Variants in ASIC2 observed in about 807,000 individuals in gnomAD.
ASIC2 encodes the protein acid sensing ion channel subunit 2, also known as acid-sensing ion channel 2.
Under a neutral mutation model 57.3 loss-of-function variants are expected in ASIC2, and 25 were observed. The ratio of observed to expected loss-of-function variants is 0.44; its 90% confidence interval spans 0.32 to 0.61. The LOEUF (loss-of-function observed/expected upper bound fraction) is 0.61. Among genes scored for constraint, ASIC2 ranks in the 20% least tolerant of loss-of-function variants. The pLI, the probability that ASIC2 is intolerant of heterozygous loss-of-function variation, is 0.06. For synonymous variants in ASIC2, 319 were observed against 307.5 expected (o/e 1.04, Z -0.39); for missense variants, 641 against 738.1 (o/e 0.87, Z 1.52).
chr17:33,844,174 G>C (rs938121176), intron 1 of ASIC2, among the ~76,000 whole-genome samples: 2 of 152,082 alleles, frequency 1.3e-5, no homozygotes, highest in African/African-American at 4.8e-5. Context: ...TTAATGTATT[G>C]GTGCTAAAAT....
chr17:33,270,576 A>T (rs1904444739), intron 1 of ASIC2, among the ~76,000 whole-genome samples: 1 of 152,202 alleles, frequency 6.6e-6, no homozygotes, highest in African/African-American at 2.4e-5. Context: ...ATGGAGCTTT[A>T]AACATTTTAA....
chr17:33,503,056 A>C (rs1230665256), intron 1 of ASIC2, among the ~76,000 whole-genome samples: 4 of 152,200 alleles, frequency 2.6e-5, no homozygotes, highest in African/African-American at 4.8e-5. Flanking sequence ...GCAAGTCCTG[A>C]TGCCTCCCTG....
At chr17:33,138,527 C>T (rs2092374689) in intron 1 of ASIC2, among the ~76,000 whole-genome samples, 1 of 152,220 alleles carries the variant, frequency 6.6e-6, no homozygotes. Context: ...TAGTACACTT[C>T]TTCCTGCCAA....
intron 1 of ASIC2, among the ~76,000 whole-genome samples, chr17:34,059,665 A>T (rs1334455277): frequency 6.6e-6 from 1 of 152,122 alleles, no homozygotes; most frequent in African/African-American, 2.4e-5. Flanking sequence ...GCACGGTGAG[A>T]ATGCGACCAG....
intron 1 of ASIC2, among the ~76,000 whole-genome samples, chr17:33,579,704 C>T (rs1239671124): frequency 6.6e-6 from 1 of 152,138 alleles, no homozygotes; most frequent in East Asian, 1.9e-4. Flanking sequence ...ACCTTCGCAG[C>T]CAGCGTTACA....
At chr17:33,150,408 C>A (rs1415023466) in intron 1 of ASIC2, among the ~76,000 whole-genome samples, 1 of 152,122 alleles carries the variant, frequency 6.6e-6, no homozygotes, top group Admixed American at 6.5e-5. Context: ...TGATTTTTTG[C>A]CTCCAAAGGA....
At chr17:34,038,433 T>C in intron 1 of ASIC2, 2 of 1,612,326 alleles carry the variant, frequency 1.2e-6, no homozygotes, top group Non-Finnish European at 1.7e-6. Context: ...TTCTCCTTTT[T>C]CTCATCTCTC....
intron 1 of ASIC2, among the ~76,000 whole-genome samples, chr17:33,265,790 T>C (rs935421557): frequency 6.6e-6 from 1 of 152,226 alleles, no homozygotes; most frequent in Non-Finnish European, 1.5e-5. Context: ...AGGGTATTTT[T>C]CACTAGATGG....
intron 3 of ASIC2, among the ~76,000 whole-genome samples, chr17:33,078,011 G>T (rs1167048450): frequency 6.6e-6 from 1 of 151,826 alleles, no homozygotes; most frequent in Non-Finnish European, 1.5e-5. Context: ...AGAAACCAAG[G>T]CCACACCATT....
At chr17:34,090,717 G>A (rs1910302197) in intron 1 of ASIC2, among the ~76,000 whole-genome samples, 1 of 152,050 alleles carries the variant, frequency 6.6e-6, no homozygotes, top group African/African-American at 2.4e-5. Context: ...CCTCAGTAAT[G>A]GGCCACTCCC....
intron 1 of ASIC2, among the ~76,000 whole-genome samples, chr17:34,150,012 TAA>T (rs1904458012): frequency 6.6e-6 from 1 of 152,124 alleles, no homozygotes; most frequent in South Asian, 2.1e-4. Context: ...GGTGAATAAA[TAA>T]AGATTTGTGA....
chr17:33,962,971 T>C (rs1315549146), intron 1 of ASIC2, among the ~76,000 whole-genome samples: 1 of 152,180 alleles, frequency 6.6e-6, no homozygotes, highest in East Asian at 1.9e-4. Flanking sequence ...GCCACATCTC[T>C]ACTTGGGGTG....
chr17:33,252,214 C>T (rs1908909047), intron 1 of ASIC2, among the ~76,000 whole-genome samples: 2 of 152,128 alleles, frequency 1.3e-5, no homozygotes, highest in African/African-American at 4.8e-5. Flanking sequence ...TCAAACTGCA[C>T]CGAGTTCTTT....
At chr17:33,771,301 A>G (rs1009364482) in intron 1 of ASIC2, among the ~76,000 whole-genome samples, 4 of 152,198 alleles carry the variant, frequency 2.6e-5, no homozygotes, top group Non-Finnish European at 1.5e-5. Context: ...CAGGTTGCAC[A>G]GTAAGTGGCA....
At chr17:33,324,166 G>A (rs1238795227) in intron 1 of ASIC2, among the ~76,000 whole-genome samples, 1 of 152,138 alleles carries the variant, frequency 6.6e-6, no homozygotes, top group Non-Finnish European at 1.5e-5. Context: ...CTCCTGAGAG[G>A]TTTGGTGCCC....
intron 1 of ASIC2, among the ~76,000 whole-genome samples, chr17:33,958,887 T>A (rs1249642564): frequency 6.6e-6 from 1 of 152,132 alleles, no homozygotes; most frequent in East Asian, 1.9e-4. Context: ...CTCTGTCACC[T>A]CTCCAGTGCT....
chr17:33,360,087 G>A (rs191467136), intron 1 of ASIC2, among the ~76,000 whole-genome samples: 151 of 152,248 alleles, frequency 9.9e-4, no homozygotes, highest in African/African-American at 3.5e-3. Flanking sequence ...TAGTAGACAA[G>A]CCATCTTTAG....
At chr17:33,240,954 A>T (rs959893952) in intron 1 of ASIC2, among the ~76,000 whole-genome samples, 1 of 152,198 alleles carries the variant, frequency 6.6e-6, no homozygotes, top group Non-Finnish European at 1.5e-5. Context: ...CCGTTTATGG[A>T]GTGCCTATTA....
At chr17:34,110,414 T>C (rs1911228737) in intron 1 of ASIC2, among the ~76,000 whole-genome samples, 1 of 152,160 alleles carries the variant, frequency 6.6e-6, no homozygotes, top group Non-Finnish European at 1.5e-5. Flanking sequence ...TTCCTCGCCC[T>C]CTCTCTGCCC....
Sources: allele counts gnomAD v4.1 joint callset (sites outside exome capture counted in the v4.1 genomes callset), GRCh38; gene constraint gnomAD v4.1.1; transcripts MANE v1.5; gene names NCBI Gene and HGNC (gene_info 2026-07-23, HGNC 2026-07-21).